The following PRIM2 variants were observed in gnomAD, a reference collection of about 807,000 sequenced individuals.
The protein encoded by PRIM2 is DNA primase subunit 2.
A neutral mutation model predicts 67.3 loss-of-function variants in PRIM2; 39 were observed. The observed-to-expected ratio is 0.58, with a 90% CI of 0.45 to 0.76. PRIM2 has a LOEUF of 0.76. Among genes scored for constraint, PRIM2 ranks in the 30% least tolerant of loss-of-function variants. The pLI is 0.00. For synonymous variants in PRIM2, 143 were observed against 198.7 expected (o/e 0.72, Z 2.36); for missense variants, 398 against 598.7 (o/e 0.66, Z 3.50).
chr6:57,282,285 C>A, the PRIM2 span, among the ~76,000 whole-genome samples: 2 of 152,172 alleles, frequency 1.3e-5, no homozygotes, highest in African/African-American at 4.8e-5. Context: ...CTATCCGATG[C>A]TAAACAAATA....
the PRIM2 span, among the ~76,000 whole-genome samples, chr6:57,258,094 CA>C: frequency 1.3e-5 from 2 of 152,062 alleles, no homozygotes; most frequent in Non-Finnish European, 2.9e-5. Flanking sequence ...CCATTAAAAA[CA>C]AAGAGTAGCT....
intron 5 of PRIM2, among the ~76,000 whole-genome samples, chr6:57,330,763 T>C (rs977569664): frequency 6.6e-6 from 1 of 152,156 alleles, no homozygotes; most frequent in African/African-American, 2.4e-5. Flanking sequence ...ATAGATGCCC[T>C]TTATCAGATT....
chr6:57,259,190 T>G, the PRIM2 span, among the ~76,000 whole-genome samples: 3 of 152,044 alleles, frequency 2.0e-5, no homozygotes, highest in African/African-American at 7.2e-5. Flanking sequence ...GACTCTTGAG[T>G]CCAAGCCTAT....
chr6:57,635,470 C>T (rs1430309341), intron 13 of PRIM2, among the ~76,000 whole-genome samples: 3 of 152,186 alleles, frequency 2.0e-5, no homozygotes, highest in African/African-American at 7.2e-5. Context: ...TTACTTTCTG[C>T]ATATTCCATG....
intron 3 of PRIM2, 48 bp downstream of exon 3, chr6:57,320,608 G>A (rs751307348): frequency 1.7e-6 from 2 of 1,144,866 alleles, no homozygotes; most frequent in South Asian, 1.4e-5. Context: ...ATGCATTTAT[G>A]TATTGAGTGT....
At chr6:57,430,447 GTTTTT>G (rs71687266) in intron 7 of PRIM2, among the ~76,000 whole-genome samples, 1 of 78,136 alleles carries the variant, frequency 1.3e-5, no homozygotes, top group Non-Finnish European at 2.5e-5. Context: ...TTCTTTCTTT[GTTTTT>G]TTTTTTTTTT....
intron 5 of PRIM2, among the ~76,000 whole-genome samples, chr6:57,354,116 T>C (rs1449715820): frequency 6.6e-6 from 1 of 152,200 alleles, no homozygotes; most frequent in Non-Finnish European, 1.5e-5. Flanking sequence ...TTTAAAACTA[T>C]ATAATTGAAT....
rs1399629289 is a variant in PRIM2, at chr6:57,572,856, C to T, written c.1021-28237C>T. 3.8e-4 allele frequency among the ~76,000 whole-genome samples: 58 copies of T among 152,300 alleles called. No homozygotes were observed. The South Asian group carries it at 9.1e-3, about 24-fold the overall frequency. ...CAAATTCTAGCCTTTTTACAAATCA[C>T]CTAATGTAGCTGCTTGGGAAAGGGC... is the stretch of plus-strand genomic sequence containing the variant. On this transcript the variant is annotated intron_variant, in intron 10 of 13. Transcript: ENST00000615550.
chr6:57,492,495 A>G (rs1773918194), intron 7 of PRIM2, among the ~76,000 whole-genome samples: 1 of 151,934 alleles, frequency 6.6e-6, no homozygotes, highest in South Asian at 2.1e-4. Flanking sequence ...GTGAGCCCAG[A>G]TTATGCCACT....
intron 7 of PRIM2, among the ~76,000 whole-genome samples, chr6:57,483,853 G>T (rs1415694362): frequency 6.6e-6 from 1 of 152,136 alleles, no homozygotes; most frequent in Non-Finnish European, 1.5e-5. Context: ...TATTTTCTTT[G>T]AAATGTAAGG....
chr6:57,513,051 C>A (rs1774403551), intron 8 of PRIM2, among the ~76,000 whole-genome samples: 1 of 152,034 alleles, frequency 6.6e-6, no homozygotes, highest in South Asian at 2.1e-4. Context: ...CTTAGACTTA[C>A]AATAATATAA....
chr6:57,418,857 A>G (rs1159258775), intron 7 of PRIM2, among the ~76,000 whole-genome samples: 1 of 152,008 alleles, frequency 6.6e-6, no homozygotes, highest in Non-Finnish European at 1.5e-5. Flanking sequence ...GCCAAACCTG[A>G]TTATCTTTTG....
chr6:57,627,278 T>TC (rs1776964561), intron 12 of PRIM2, among the ~76,000 whole-genome samples: 1 of 4,852 alleles, frequency 2.1e-4, no homozygotes, highest in Non-Finnish European at 3.3e-4. Context: ...AGACTCTGTC[T>TC]CAAAAAAAAA....
intron 5 of PRIM2, among the ~76,000 whole-genome samples, chr6:57,338,988 A>G (rs1768373435): frequency 6.6e-6 from 1 of 152,246 alleles, no homozygotes; most frequent in Non-Finnish European, 1.5e-5. Flanking sequence ...TCTTAAGCTG[A>G]TAAGCAACTT....
At chr6:57,434,185 A>G (rs551887275) in intron 7 of PRIM2, among the ~76,000 whole-genome samples, 1 of 151,918 alleles carries the variant, frequency 6.6e-6, no homozygotes, top group South Asian at 2.1e-4. Context: ...TCGGCCTCCT[A>G]AAGTGTTGGG....
chr6:57,456,335 C>T (rs1369776140), intron 7 of PRIM2, among the ~76,000 whole-genome samples: 6 of 152,146 alleles, frequency 3.9e-5, no homozygotes, highest in Non-Finnish European at 5.9e-5. Context: ...GTTGGCCTTC[C>T]TTGCTAGATT....
chr6:57,232,503 C>T, the PRIM2 span, among the ~76,000 whole-genome samples: 12 of 152,160 alleles, frequency 7.9e-5, no homozygotes, highest in Middle Eastern at 6.8e-3. Flanking sequence ...GAGCTGAGAT[C>T]GCGCCACTGC....
chr6:57,558,701 C>G (rs1263267244), intron 10 of PRIM2, among the ~76,000 whole-genome samples: 3 of 151,978 alleles, frequency 2.0e-5, no homozygotes, highest in Non-Finnish European at 4.4e-5. Context: ...ATGGCAGTTC[C>G]TTGATACACG....
intron 8 of PRIM2, among the ~76,000 whole-genome samples, chr6:57,527,573 C>T (rs1457483069): frequency 1.3e-5 from 2 of 152,162 alleles, no homozygotes; most frequent in East Asian, 3.8e-4. Flanking sequence ...CTAATTATTT[C>T]CCCACACTGC....
Sources: allele counts gnomAD v4.1 joint callset (sites outside exome capture counted in the v4.1 genomes callset), GRCh38; gene constraint gnomAD v4.1.1; transcripts MANE v1.5; gene names NCBI Gene and HGNC (gene_info 2026-07-23, HGNC 2026-07-21).